SLC26A9: variants seen among roughly 807,000 people sequenced by gnomAD.
SLC26A9 encodes solute carrier family 26 member 9, also known as anion transporter/exchanger protein 9.
In SLC26A9, 46 loss-of-function variants were observed where a neutral mutation model predicts 87.1. The ratio of observed to expected loss-of-function variants is 0.53; its 90% CI spans 0.42 to 0.67. The LOEUF is 0.67. Ranked by LOEUF, SLC26A9 falls within the 30% of genes least tolerant of loss-of-function variation. SLC26A9 has a pLI of 0.00. For missense variants in SLC26A9, 927 were observed against 1,018.3 expected (o/e 0.91, Z 1.22); for synonymous variants, 437 against 409.1 (o/e 1.07, Z -0.82).
chr1:205,938,089 G>A (rs1290988774), intron 1 of SLC26A9, among the ~76,000 whole-genome samples: 4 of 151,918 alleles, frequency 2.6e-5, no homozygotes, highest in African/African-American at 9.7e-5. Context: ...ATCTGATTCC[G>A]CTGAACCCTA....
rs769714824 is a variant in SLC26A9 at position 205,929,309 on chromosome 1, C to T, written c.765G>A (p.Ser255=). The stretch of plus-strand genomic sequence containing the variant: ...CACCGCTGATGAGAGCGAAGATGAG[C>T]GAGGCGATGTTGGTGTGGGGGAGGT... The part of the protein sequence containing the change: ...CKNLPHTNIA[S]LIFALISGAF... Residue 255 remains serine, a synonymous_variant, in exon 7 of 21, where the codon TCG becomes TCA. Coordinates refer to ENST00000367135, the MANE Select transcript of SLC26A9 (RefSeq NM_052934.4). 1.7e-5 allele frequency: 28 copies of T among 1,614,044 alleles called. 1 individual carries two copies. The highest frequency in any genetic ancestry group is 2.2e-5 in the East Asian group (1 of 44,896).
rs74758596 is a variant in SLC26A9, at chr1:205,922,532, T to C, written c.1773+550A>G. Among the ~76,000 whole-genome samples the C allele has an allele frequency of 4.5e-3, 690 of 152,324 alleles. 3 individuals are homozygous for C. Among genetic ancestry groups the C allele is most frequent in the African/African-American group, 0.016 (656 of 41,574 alleles). On this transcript the variant is annotated intron_variant, in intron 16 of 20. Coordinates refer to ENST00000367135, the MANE Select transcript of SLC26A9 (RefSeq NM_052934.4). ...GTTCAAAAGTCCATGGGCCATGTCCTATCTTAGCCAGAAAATGGAGAAGGG... is the reference window on the plus strand; with the variant it reads ...GTTCAAAAGTCCATGGGCCATGTCCCATCTTAGCCAGAAAATGGAGAAGGG...
Position 205,930,991 on chromosome 1 carries a change from C to T in SLC26A9, c.552+869G>A, listed in dbSNP as rs114275320. On this transcript the variant is annotated intron_variant, in intron 5 of 20. Transcript: ENST00000367135. Reference sequence around the variant, plus strand: ...GGCTGTGAGCAACTTGTGAATTGGACCTCTTTCTTACTTATCTTTGTATCC... The same window carrying T: ...GGCTGTGAGCAACTTGTGAATTGGATCTCTTTCTTACTTATCTTTGTATCC... 4.3e-3 allele frequency among the ~76,000 whole-genome samples: 653 copies of T among 152,284 alleles called. 3 individuals carry two copies. Among genetic ancestry groups the T allele is most frequent in the African/African-American group, 0.014 (579 of 41,564 alleles).
chr1:205,914,648 C>G lies in SLC26A9; in HGVS notation c.*709G>C, dbSNP rs971876877. 9 of 475,660 alleles carry G rather than the reference C, an allele frequency of 1.9e-5. No individual in the cohort carries two copies. The highest frequency in any genetic ancestry group is 1.5e-4 in the African/African-American group (8 of 51,820). 29.5% of individuals were successfully genotyped at this position (475,660 alleles called of 1,614,324 possible). ...GAGGCTGAGGCAGAACCTTAGTGGGCTGTCCCCGGGGAGGTAGCTCTGGTG... is the reference window on the plus strand; with the variant it reads ...GAGGCTGAGGCAGAACCTTAGTGGGGTGTCCCCGGGGAGGTAGCTCTGGTG... On this transcript the variant is annotated 3_prime_UTR_variant, in exon 21 of 21. Coordinates refer to ENST00000367135, the MANE Select transcript of SLC26A9 (RefSeq NM_052934.4).
At chr1:205,934,085 G>T (rs970069734) in intron 2 of SLC26A9, among the ~76,000 whole-genome samples, 34 of 152,184 alleles carry the variant, frequency 2.2e-4, no homozygotes, top group African/African-American at 8.2e-4. Flanking sequence ...CCTGCTCTTT[G>T]CTCTTGCTCA....
chr1:205,927,343 T>C (rs1659115272), intron 10 of SLC26A9, 55 bp from the exon 11 acceptor site: 16 of 1,600,968 alleles, frequency 1.0e-5, no homozygotes, highest in Non-Finnish European at 1.4e-5. Flanking sequence ...TTGCTCTTGA[T>C]TTACTTCCAA....
At chr1:205,933,139 T>G in intron 2 of SLC26A9, 55 bp from the exon 3 acceptor site, 1 of 1,608,738 alleles carries the variant, frequency 6.2e-7, no homozygotes, top group South Asian at 1.1e-5. Flanking sequence ...GGACATTCCG[T>G]GTTGGAGAGG....
rs966559682 is a variant in SLC26A9, at chr1:205,930,100, G to A, written c.553-44C>T. 12 of 1,555,974 alleles carry A rather than the reference G, an allele frequency of 7.7e-6. No homozygotes were observed. In the East Asian group the frequency reaches 1.1e-4, roughly 15 times the overall value. ...TGGTTGGTGGCGGAAGACCAATGTG[G>A]TTCAGCAGTTCCAACGACCCGCCCC... On this transcript the variant is annotated intron_variant, in intron 5 of 20. Transcript: ENST00000367135.
chr1:205,938,780 C>T (rs570804568), intron 1 of SLC26A9, among the ~76,000 whole-genome samples: 2 of 152,340 alleles, frequency 1.3e-5, no homozygotes, highest in Non-Finnish European at 2.9e-5. Context: ...CCTTGAAACC[C>T]TGAAGGATTT....
chr1:205,921,482 A>T (rs1658823676), intron 17 of SLC26A9, 84 bp downstream of exon 17: 2 of 1,487,404 alleles, frequency 1.3e-6, no homozygotes, highest in African/African-American at 2.8e-5. Context: ...AGCTTCCTGA[A>T]ATGAGGGCTC....
rs1658510642 is a variant in SLC26A9 at position 205,914,882 on chromosome 1, A to G, written c.*475T>C. 1 of 1,601,478 alleles carries G rather than the reference A, an allele frequency of 6.2e-7. No individual in the cohort carries two copies. The highest frequency in any genetic ancestry group is 8.5e-7 in the Non-Finnish European group (1 of 1,172,788). On this transcript the variant is annotated 3_prime_UTR_variant, in exon 21 of 21. Transcript: ENST00000367135. The stretch of plus-strand genomic sequence containing the variant: ...GGGAAGGCAAGCCAGAGTCCTAACC[A>G]AGTTTATCCCTATGTCCGTGACAGC...
In SLC26A9 at chr1:205,914,908, C is replaced by G. The variant is rs1658512029; in HGVS notation, c.*449G>C. 1.9e-6 allele frequency: 3 copies of G among 1,612,866 alleles called. No individual in the cohort carries two copies. The African/African-American group carries it at 4.0e-5, about 21-fold the overall frequency. Reference sequence around the variant, plus strand: ...AGTTTATCCCTATGTCCGTGACAGCCTGACACCATCTGACACCGAGCCGTG... The same window carrying G: ...AGTTTATCCCTATGTCCGTGACAGCGTGACACCATCTGACACCGAGCCGTG... On this transcript the variant is annotated 3_prime_UTR_variant, in exon 21 of 21. Transcript: ENST00000367135.
intron 1 of SLC26A9, among the ~76,000 whole-genome samples, chr1:205,940,374 C>G (rs1659687559): frequency 6.6e-6 from 1 of 152,168 alleles, no homozygotes; most frequent in African/African-American, 2.4e-5. Context: ...CTAACCAGGT[C>G]TCTGTCAACA....
chr1:205,927,003 A>G (rs1185504295), intron 11 of SLC26A9, among the ~76,000 whole-genome samples: 2 of 152,190 alleles, frequency 1.3e-5, no homozygotes, highest in South Asian at 2.1e-4. Flanking sequence ...CTGCCTCACT[A>G]TGGACAAGGT....
intron 9 of SLC26A9, 29 bp from the exon 10 acceptor site, chr1:205,927,634 A>G: frequency 3.7e-6 from 6 of 1,600,962 alleles, no homozygotes; most frequent in South Asian, 1.1e-5. Flanking sequence ...ATTAGAAGCC[A>G]GTGTGGGGCT....
intron 1 of SLC26A9, among the ~76,000 whole-genome samples, chr1:205,942,262 G>C (rs1157652172): frequency 6.6e-6 from 1 of 152,218 alleles, no homozygotes. Context: ...AGGCCTTCCT[G>C]GCAGTGGAGG....
intron 5 of SLC26A9, among the ~76,000 whole-genome samples, chr1:205,931,465 G>GTGTTTTTTTTT (rs1659300334): frequency 1.0e-5 from 1 of 96,012 alleles, no homozygotes; most frequent in African/African-American, 4.3e-5. Flanking sequence ...CCCTAACTTG[G>GTGTTTTTTTTT]TTTTTTTTTT....
chr1:205,923,310 CT>C (rs1178576402), intron 15 of SLC26A9, 24 bp downstream of exon 15: 6 of 1,613,670 alleles, frequency 3.7e-6, no homozygotes, highest in Admixed American at 1.7e-5. Flanking sequence ...TCCAGAGCCT[CT>C]GGTCGCCAGG....
Position 205,923,443 on chromosome 1 carries a change from T to G in SLC26A9, c.1567-16A>C. On this transcript the variant is annotated splice_polypyrimidine_tract_variant and intron_variant, in intron 14 of 20. Coordinates refer to ENST00000367135, the MANE Select transcript of SLC26A9 (RefSeq NM_052934.4). ...TATCCTGGGCCTGTGACAGGGAGAC[T>G]GAGCTCAAGTTGCAGAAATGTCTTT... The G allele has an allele frequency of 6.2e-7, 1 of 1,614,094 alleles. No individual in the cohort carries two copies. Among genetic ancestry groups the G allele is most frequent in the Non-Finnish European group, 8.5e-7 (1 of 1,179,938 alleles).
Sources: allele counts gnomAD v4.1 joint callset (sites outside exome capture counted in the v4.1 genomes callset), GRCh38; gene constraint gnomAD v4.1.1; transcripts MANE v1.5; gene names NCBI Gene and HGNC (gene_info 2026-07-23, HGNC 2026-07-21).